The following FAT2 variants were observed in gnomAD, a reference collection of about 807,000 sequenced individuals.
The protein encoded by FAT2 is FAT atypical cadherin 2.
Under a neutral mutation model 295.3 loss-of-function variants are expected in FAT2, and 150 were observed. The observed-to-expected ratio is 0.51, with a 90% CI of 0.44 to 0.58. The LOEUF (loss-of-function observed/expected upper bound fraction) is 0.58, where lower values mean the gene tolerates loss of function less well. FAT2 is among the 20% of genes least tolerant of loss of function. The pLI is 0.00. For missense variants in FAT2, 4,868 were observed against 5,442.7 expected (o/e 0.89, Z 3.32); for synonymous variants, 2,026 against 2,150.3 (o/e 0.94, Z 1.60).
At chr5:151,534,388 C>G in intron 13 of FAT2, 21 bp downstream of exon 13, 2 of 1,575,552 alleles carry the variant, frequency 1.3e-6, no homozygotes, top group Non-Finnish European at 1.7e-6. Context: ...TGGAAATGGC[C>G]TCAATCCTTC....
intron 5 of FAT2, among the ~76,000 whole-genome samples, chr5:151,553,747 GCACT>G (rs1447009857): frequency 2.0e-5 from 3 of 152,206 alleles, no homozygotes; most frequent in Non-Finnish European, 4.4e-5. Context: ...AATTTATTGA[GCACT>G]CACTATTATC....
At chr5:151,510,203 C>A in intron 21 of FAT2, 29 bp from the exon 22 acceptor site, 1 of 1,612,424 alleles carries the variant, frequency 6.2e-7, no homozygotes, top group Non-Finnish European at 8.5e-7. Context: ...AGGTGAGAGA[C>A]CGCACTGGCC....
Position 151,512,103 on chromosome 5 carries a change from T to C in FAT2, c.11905+62A>G. 1 of 1,516,786 alleles carries C rather than the reference T, an allele frequency of 6.6e-7. No individual in the cohort carries two copies. Among genetic ancestry groups the C allele is most frequent in the Non-Finnish European group, 9.0e-7 (1 of 1,114,662 alleles). The allele number at this position is 1,516,786 out of a possible 1,614,324, so 94.0% of individuals were successfully genotyped here. A position where few individuals can be genotyped will look rare whatever the true frequency, so the allele number is the denominator to read the frequency against. On this transcript the variant is annotated intron_variant, in intron 21 of 23. Coordinates refer to ENST00000261800, the MANE Select transcript of FAT2 (RefSeq NM_001447.3). This position sits in a 1 kb window ranked among gnomAD's most constrained non-coding sequence, Gnocchi z 4.1. ...TCTGAGATCTCCACCCTGACATGCT[T>C]TTCCCACCTGAAGAGCCTTCTGGGA...
Position 151,550,699 on chromosome 5 carries a change from T to C in FAT2, c.4469A>G (p.Asp1490Gly), listed in dbSNP as rs1284614293. 6.2e-7 allele frequency: 1 copy of C among 1,614,134 alleles called. No homozygotes were observed. Among genetic ancestry groups the C allele is most frequent in the Admixed American group, 1.7e-5 (1 of 60,016 alleles). ...CTGGAAGAGGCTGGCACTTCCTGGG[T>C]CTTGGCTGCCATGTATGGTATAGAT... ...SLIYTIHGSQ[D>G]PGSASLFQLD... Residue 1490 changes from aspartate to glycine, a missense_variant, in exon 8 of 24, where the codon GAC becomes GGC. This residue lies in a region of FAT2 where 3,297 missense variants were observed against 3,669.4 expected (regional missense o/e 0.90). Coordinates refer to ENST00000261800, the MANE Select transcript of FAT2 (RefSeq NM_001447.3).
Position 151,510,239 on chromosome 5 carries a change from G to A in FAT2, c.11906-65C>T. The A allele has an allele frequency of 7.1e-6, 11 of 1,556,070 alleles. No homozygotes were observed. In the South Asian group the frequency reaches 1.1e-4, roughly 16 times the overall value. On this transcript the variant is annotated intron_variant, in intron 21 of 23. Transcript: ENST00000261800. ...TAGCAGTTAAAGGAGACCTGGCATT[G>A]GCAGACTGGTGTGTTTGTGCAGCCG...
At chr5:151,572,374 T>G (rs775384817) in intron 1 of FAT2, among the ~76,000 whole-genome samples, 9 of 152,192 alleles carry the variant, frequency 5.9e-5, no homozygotes, top group Admixed American at 1.3e-4. Flanking sequence ...TTTTGGAAGC[T>G]GGAAAATAAA....
chr5:151,589,641 A>G (rs1424607105), intron 1 of FAT2, among the ~76,000 whole-genome samples: 2 of 151,940 alleles, frequency 1.3e-5, no homozygotes, highest in Non-Finnish European at 2.9e-5. Context: ...CATGCCTGTA[A>G]CCCCAGCACT....
intron 20 of FAT2, among the ~76,000 whole-genome samples, chr5:151,515,948 A>G (rs72798338): frequency 0.15 from 23,391 of 152,248 alleles, 2,299 homozygotes; most frequent in Non-Finnish European, 0.21. Context: ...CAAGACCTTC[A>G]TAGATATGCC....
chr5:151,546,002 A>G lies in FAT2; in HGVS notation c.5125T>C (p.Ser1709Pro), dbSNP rs752805480. Residue 1709 changes from serine to proline, a missense_variant, in exon 10 of 24, where the codon TCT (serine) becomes CCT (proline). This residue lies in a region of FAT2 where 3,297 missense variants were observed against 3,669.4 expected (regional missense o/e 0.90). Transcript: ENST00000261800. ...TTCTTCTGGGTGGAAATAAGGCCAG[A>G]ATATGAGTTCATAGAGAAGACTCCA... ...KDGVFSMNSY[S>P]GLISTQKKLD... 1.2e-6 allele frequency: 2 copies of G among 1,614,208 alleles called. No homozygotes were observed.
chr5:151,580,720 A>G lies in FAT2; in HGVS notation c.-21+10445T>C, dbSNP rs570849154. 6.5e-3 allele frequency among the ~76,000 whole-genome samples: 991 copies of G among 152,304 alleles called. 14 individuals carry two copies. The highest frequency in any genetic ancestry group is 0.023 in the African/African-American group (938 of 41,570). Reference sequence around the variant, plus strand: ...CAGATGTGATCTTCTTCAGAGTTGAAGAGGGGGCAGAGGGTGGGTGTGAAG... The same window carrying G: ...CAGATGTGATCTTCTTCAGAGTTGAGGAGGGGGCAGAGGGTGGGTGTGAAG... On this transcript the variant is annotated intron_variant, in intron 1 of 23. Coordinates refer to ENST00000261800, the MANE Select transcript of FAT2 (RefSeq NM_001447.3).
chr5:151,572,066 C>G (rs1015099540), intron 1 of FAT2, among the ~76,000 whole-genome samples: 1 of 152,210 alleles, frequency 6.6e-6, no homozygotes, highest in Non-Finnish European at 1.5e-5. Context: ...ACCTCCTGAG[C>G]TCCTGTTTGG....
intron 14 of FAT2, among the ~76,000 whole-genome samples, chr5:151,530,649 C>T (rs1016060394): frequency 1.1e-4 from 17 of 152,246 alleles, no homozygotes; most frequent in African/African-American, 4.1e-4. Flanking sequence ...GAAAAATGGC[C>T]TGGTGATATT....
intron 1 of FAT2, among the ~76,000 whole-genome samples, chr5:151,583,220 T>TATG (rs1759032961): frequency 1.3e-5 from 2 of 152,168 alleles, no homozygotes; most frequent in Admixed American, 1.3e-4. Flanking sequence ...AGTGTGAACA[T>TATG]ATGTTCACCA....
chr5:151,560,063 C>T (rs1757955445), intron 3 of FAT2, among the ~76,000 whole-genome samples: 1 of 152,180 alleles, frequency 6.6e-6, no homozygotes, highest in African/African-American at 2.4e-5. Flanking sequence ...CAACAGTTTT[C>T]CAACTGTTGT....
chr5:151,518,796 T>C (rs1246223587), intron 19 of FAT2, among the ~76,000 whole-genome samples: 3 of 152,320 alleles, frequency 2.0e-5, no homozygotes, highest in East Asian at 1.9e-4. Context: ...CTCTTGGGAA[T>C]AGCATTCTGT....
intron 5 of FAT2, among the ~76,000 whole-genome samples, 164 bp from the exon 6 acceptor site, chr5:151,553,551 C>T (rs924199371): frequency 3.9e-5 from 6 of 152,234 alleles, no homozygotes; most frequent in African/African-American, 1.4e-4. Context: ...TAAACAGGCA[C>T]CCTGCCAGTT....
At chr5:151,542,166 G>T in intron 10 of FAT2, 119 bp downstream of exon 10, 1 of 937,500 alleles carries the variant, frequency 1.1e-6, no homozygotes, top group South Asian at 1.6e-5. Context: ...GGTTAAGTGT[G>T]CCCAAGGTCA....
rs369901078 is a variant in FAT2, at chr5:151,567,518, G to A, written c.1414C>T (p.Pro472Ser). The A allele has an allele frequency of 7.1e-5, 115 of 1,614,128 alleles. No individual in the cohort carries two copies. Among genetic ancestry groups the A allele is most frequent in the African/African-American group, 7.1e-4 (53 of 75,032 alleles). The change falls in exon 2 of 24, where the codon CCT (proline) becomes TCT (serine). Residue 472 changes from proline to serine, a missense_variant. Physicochemically the swap from Pro to Ser is moderately conservative, Grantham distance 74. Around this residue, in one of 5 missense-constraint regions of FAT2, gnomAD observed 3,297 missense variants for 3,669.4 expected, o/e 0.90. Coordinates refer to ENST00000261800, the MANE Select transcript of FAT2 (RefSeq NM_001447.3). ...ACAGCCAAAACACTGGTGCCTGGAGGGATGTTCTCATCCAAGGTACCATCA... is the reference window on the plus strand; with the variant it reads ...ACAGCCAAAACACTGGTGCCTGGAGAGATGTTCTCATCCAAGGTACCATCA... ...SYDGTLDENI[P>S]PGTSVLAVTA...
chr5:151,546,034 T>C lies in FAT2; in HGVS notation c.5093A>G (p.Asn1698Ser). The C allele has an allele frequency of 6.2e-7, 1 of 1,614,178 alleles. No homozygotes were observed. Among genetic ancestry groups the C allele is most frequent in the South Asian group, 1.1e-5 (1 of 91,076 alleles). Reference protein sequence around the residue: ...SEVTYELREGNKDGVFSMNSY... With the variant: ...SEVTYELREGSKDGVFSMNSY... ...GTTCATAGAGAAGACTCCATCCTTA[T>C]TTCCCTCTCTTAACTCATAGGTAAC... The change falls in exon 10 of 24, where the codon AAT becomes AGT. Residue 1698 changes from asparagine (N) to serine (S), a missense_variant. Asn to Ser is a conservative substitution (Grantham distance 46). This residue lies in a region of FAT2 where 3,297 missense variants were observed against 3,669.4 expected (regional missense o/e 0.90). Transcript: ENST00000261800.
Sources: gnomAD v4.1 joint callset for allele counts (sites outside exome capture counted in the v4.1 genomes callset) on GRCh38, gnomAD v4.1.1 for gene constraint, gnomAD v4.1.1 regional missense constraint, Gnocchi (gnomAD v3.1) non-coding constraint, MANE v1.5 for transcripts, NCBI Gene and HGNC (gene_info 2026-07-23, HGNC 2026-07-21) for gene names.